RASGRF2: variants seen among roughly 807,000 people sequenced by gnomAD.
The protein encoded by RASGRF2 is ras-specific guanine nucleotide-releasing factor 2.
In RASGRF2, 76 loss-of-function variants were observed where a neutral mutation model predicts 151.0. That is an observed-to-expected ratio of 0.50 (90% CI 0.42 to 0.61). The LOEUF is 0.61. Among genes scored for constraint, RASGRF2 ranks in the 20% least tolerant of loss-of-function variants. RASGRF2 has a pLI of 0.00. For missense variants in RASGRF2, 1,148 were observed against 1,564.6 expected (o/e 0.73, Z 4.49); for synonymous variants, 504 against 566.5 (o/e 0.89, Z 1.57).
At chr5:81,213,848 A>G (rs1755675509) in intron 23 of RASGRF2, among the ~76,000 whole-genome samples, 1 of 152,214 alleles carries the variant, frequency 6.6e-6, no homozygotes, top group Non-Finnish European at 1.5e-5. Flanking sequence ...TTTTAAAAAT[A>G]CTGGTTAAAA....
At chr5:81,115,215 G>A (rs951649944) in intron 15 of RASGRF2, among the ~76,000 whole-genome samples, 1 of 152,116 alleles carries the variant, frequency 6.6e-6, no homozygotes, top group African/African-American at 2.4e-5. Context: ...TAAGCTTCCT[G>A]AGTGAAGTAG....
chr5:81,099,876 G>A (rs893875108), intron 12 of RASGRF2, among the ~76,000 whole-genome samples: 3 of 143,096 alleles, frequency 2.1e-5, no homozygotes, highest in Non-Finnish European at 4.6e-5. Flanking sequence ...TTATTTTGTC[G>A]TTTTAATTTT....
Position 81,108,993 on chromosome 5 carries a change from C to G in RASGRF2, c.1756-3C>G. ...TTGTAATTGTCAACTTTTTATTTCA[C>G]AGTGTGTGGACAATATACGATGTAA... On this transcript the variant is annotated splice_region_variant and splice_polypyrimidine_tract_variant and intron_variant, in intron 12 of 26. Transcript: ENST00000265080. 1 of 1,598,044 alleles carries G rather than the reference C, an allele frequency of 6.3e-7. No individual in the cohort carries two copies.
intron 2 of RASGRF2, among the ~76,000 whole-genome samples, chr5:81,067,609 T>C (rs1331307302): frequency 6.6e-6 from 1 of 152,170 alleles, no homozygotes; most frequent in East Asian, 1.9e-4. Context: ...ATTCATTCTG[T>C]TTGGGAGCAG....
rs145640194 is a variant in RASGRF2, at chr5:81,016,919, C to G, written c.289-25958C>G. Among the ~76,000 whole-genome samples the G allele has an allele frequency of 6.0e-4, 91 of 152,218 alleles. 1 individual carries two copies. The highest frequency in any genetic ancestry group is 3.4e-4 in the Non-Finnish European group (23 of 68,022). On this transcript the variant is annotated intron_variant, in intron 1 of 26. Coordinates refer to ENST00000265080, the MANE Select transcript of RASGRF2 (RefSeq NM_006909.3). Reference sequence around the variant, plus strand: ...AGAATCAGAACTGTTTTCAATATGACTATTAAACATCCACCTAAAAGTCCA... The same window carrying G: ...AGAATCAGAACTGTTTTCAATATGAGTATTAAACATCCACCTAAAAGTCCA...
rs1322100598 is a variant in RASGRF2, at chr5:80,960,886, G to A, written c.148G>A (p.Val50Met). Residue 50 changes from valine to methionine, a missense_variant, in exon 1 of 27, where the codon GTG becomes ATG. This residue lies in a region of RASGRF2 where 221 missense variants were observed against 271.3 expected (regional missense o/e 0.81). Transcript: ENST00000265080. The surrounding 1 kb of genome is among the most constrained non-coding windows in gnomAD (Gnocchi z 5.5). Reference protein sequence around the residue: ...HEKWFALYQNVLFYFEGEQSC... With the variant: ...HEKWFALYQNMLFYFEGEQSC... ...GAAGTGGTTCGCCCTCTACCAGAAT[G>A]TGCTCTTCTACTTCGAGGGCGAGCA... is the stretch of plus-strand genomic sequence containing the variant. 1.2e-6 allele frequency: 2 copies of A among 1,612,592 alleles called. No homozygotes were observed. The highest frequency in any genetic ancestry group is 8.5e-7 in the Non-Finnish European group (1 of 1,178,986).
intron 17 of RASGRF2, among the ~76,000 whole-genome samples, chr5:81,163,670 T>C (rs1462703850): frequency 6.6e-6 from 1 of 152,228 alleles, no homozygotes; most frequent in African/African-American, 2.4e-5. Context: ...CATCAAGTTC[T>C]GTGCTTAAAA....
intron 1 of RASGRF2, among the ~76,000 whole-genome samples, chr5:80,963,764 C>G (rs1222950486): frequency 6.6e-6 from 1 of 152,210 alleles, no homozygotes; most frequent in Non-Finnish European, 1.5e-5. Context: ...TCTTATTACT[C>G]ACATTGGAGG....
intron 1 of RASGRF2, among the ~76,000 whole-genome samples, chr5:80,995,100 CAA>C (rs1223028253): frequency 6.6e-6 from 1 of 151,890 alleles, no homozygotes; most frequent in Non-Finnish European, 1.5e-5. Context: ...ACTGAAAATA[CAA>C]AAAATCACCC....
intron 15 of RASGRF2, among the ~76,000 whole-genome samples, chr5:81,119,587 G>A (rs1336558238): frequency 1.3e-5 from 2 of 152,184 alleles, no homozygotes; most frequent in East Asian, 1.9e-4. Context: ...CAAGCTCTTA[G>A]GGAAGGACAC....
chr5:81,070,285 C>G, intron 3 of RASGRF2: 1 of 487,854 alleles, frequency 2.0e-6, no homozygotes, highest in Non-Finnish European at 3.8e-6. Context: ...TACACAGTCA[C>G]TTCTTATAAA....
At chr5:81,136,786 T>C (rs977344453) in intron 17 of RASGRF2, among the ~76,000 whole-genome samples, 3 of 152,146 alleles carry the variant, frequency 2.0e-5, no homozygotes, top group African/African-American at 7.2e-5. Flanking sequence ...TGTGCTCTTC[T>C]GTTTGGGTTT....
chr5:81,100,270 T>C (rs1363898757), intron 12 of RASGRF2, among the ~76,000 whole-genome samples: 1 of 152,196 alleles, frequency 6.6e-6, no homozygotes, highest in Non-Finnish European at 1.5e-5. Flanking sequence ...GCTACTGTAT[T>C]GTATTATACT....
At chr5:81,023,402 G>C (rs1030926803) in intron 1 of RASGRF2, among the ~76,000 whole-genome samples, 1 of 152,196 alleles carries the variant, frequency 6.6e-6, no homozygotes, top group Non-Finnish European at 1.5e-5. Context: ...ATACCATCCA[G>C]GGTGTCTGCT....
At chr5:80,996,900 A>C (rs1748903008) in intron 1 of RASGRF2, among the ~76,000 whole-genome samples, 1 of 152,102 alleles carries the variant, frequency 6.6e-6, no homozygotes, top group African/African-American at 2.4e-5. Context: ...TTATAGGCTT[A>C]GTAAAGCAAA....
chr5:81,184,835 G>A (rs893836109), intron 18 of RASGRF2, among the ~76,000 whole-genome samples: 1 of 152,230 alleles, frequency 6.6e-6, no homozygotes, highest in Admixed American at 6.5e-5. Context: ...ATTGGGGTAG[G>A]TGTGGGAGTG....
At chr5:81,183,220 T>A in intron 18 of RASGRF2, 1 of 982,548 alleles carries the variant, frequency 1.0e-6, no homozygotes, top group Non-Finnish European at 1.2e-6. Context: ...AAGCTGTAGA[T>A]CCACATCAAT....
intron 1 of RASGRF2, among the ~76,000 whole-genome samples, chr5:81,005,869 G>GGA (rs1749252605): frequency 1.3e-5 from 2 of 152,214 alleles, no homozygotes; most frequent in Non-Finnish European, 2.9e-5. Flanking sequence ...CATTAAGTCA[G>GGA]AGGTAGGAAT....
chr5:81,132,978 G>T (rs1338161332), intron 17 of RASGRF2, among the ~76,000 whole-genome samples: 2 of 152,186 alleles, frequency 1.3e-5, no homozygotes, highest in African/African-American at 4.8e-5. Flanking sequence ...ATCTGCTTTT[G>T]AGTCCAATCC....
Sources: allele counts gnomAD v4.1 joint callset (sites outside exome capture counted in the v4.1 genomes callset), GRCh38; gene constraint gnomAD v4.1.1; regional missense constraint gnomAD v4.1.1; non-coding constraint Gnocchi (gnomAD v3.1); transcripts MANE v1.5; gene names NCBI Gene and HGNC (gene_info 2026-07-23, HGNC 2026-07-21).